The following CKAP5 variants were observed in gnomAD, a reference collection of about 807,000 sequenced individuals.
CKAP5 encodes the protein cytoskeleton associated protein 5.
Under a neutral mutation model 232.8 loss-of-function variants are expected in CKAP5, and 27 were observed. The observed-to-expected ratio is 0.12, with a 90% CI of 0.09 to 0.16. The LOEUF (loss-of-function observed/expected upper bound fraction) is 0.16. Ranked by LOEUF, CKAP5 falls within the 10% of genes least tolerant of loss-of-function variation. CKAP5 has a pLI of 1.00. For synonymous variants in CKAP5, 785 were observed against 841.1 expected, an observed-to-expected ratio of 0.93 and a Z score of 1.16; for missense variants, 1,838 against 2,424.7, an observed-to-expected ratio of 0.76 and a Z score of 5.08.
chr11:46,831,202 T>A (rs7934421), intron 1 of CKAP5, among the ~76,000 whole-genome samples: 97,829 of 151,990 alleles, frequency 0.64, 33,192 homozygotes, highest in Non-Finnish European at 0.77. Flanking sequence ...AGCTTCAGCA[T>A]CTTTTATAAT....
At chr11:46,788,631 T>C in intron 16 of CKAP5, 50 bp downstream of exon 16, 2 of 1,062,680 alleles carry the variant, frequency 1.9e-6, no homozygotes, top group Non-Finnish European at 2.9e-6. Flanking sequence ...TAGGATGATG[T>C]AATGTAAATT....
chr11:46,809,911 T>A (rs371548527), intron 5 of CKAP5, 37 bp from the exon 6 acceptor site: 1 of 1,565,344 alleles, frequency 6.4e-7, no homozygotes. Context: ...AATATCTGCA[T>A]CTCCACCATT....
intron 23 of CKAP5, among the ~76,000 whole-genome samples, chr11:46,777,111 T>C (rs982118243): frequency 2.6e-5 from 4 of 152,222 alleles, no homozygotes; most frequent in Non-Finnish European, 5.9e-5. Flanking sequence ...ATAGCAACCA[T>C]TTATTGTGTG....
At position 46,778,605 on chromosome 11, in the gene CKAP5, C is replaced by T; in HGVS notation, c.2434-6G>A. ...GGTGGACTTTGTCCCTGCATCTATA[C>T]ACAAATGAATGAGTAAGGCTAATGA... is the stretch of plus-strand genomic sequence containing the variant. On this transcript the variant is annotated splice_polypyrimidine_tract_variant and splice_region_variant and intron_variant, in intron 20 of 43. Coordinates refer to ENST00000529230, the MANE Select transcript of CKAP5 (RefSeq NM_001008938.4). 2 of 1,612,684 alleles carry T rather than the reference C, an allele frequency of 1.2e-6. No individual in the cohort carries two copies. The highest frequency in any genetic ancestry group is 1.3e-5 in the African/African-American group (1 of 75,000).
At chr11:46,808,729 T>C (rs1483619405) in intron 7 of CKAP5, among the ~76,000 whole-genome samples, 1 of 152,166 alleles carries the variant, frequency 6.6e-6, no homozygotes, top group African/African-American at 2.4e-5. Context: ...TAAGCAGATG[T>C]CAAACAGAAA....
At position 46,751,414 on chromosome 11, in the gene CKAP5, T is replaced by C; in HGVS notation, c.5254A>G (p.Lys1752Glu). ...AGGGTCCTTATGGGAAATTCACTTT[T>C]GCATTGCTTCAGTTTCTCTTTGGGG... ...VFPKEKLKQCKSEFPIRTLKT... is the reference protein window; with the variant it reads ...VFPKEKLKQCESEFPIRTLKT... The change falls in exon 39 of 44, where the codon AAA becomes GAA. Residue 1752 changes from lysine (K) to glutamate (E), a missense_variant. By Grantham distance (56) the Lys-to-Glu change is moderately conservative. Around this residue, in one of 6 missense-constraint regions of CKAP5, gnomAD observed 579 missense variants for 843.2 expected, o/e 0.69. Coordinates refer to ENST00000529230, the MANE Select transcript of CKAP5 (RefSeq NM_001008938.4). 6.2e-7 allele frequency: 1 copy of C among 1,614,200 alleles called. No homozygotes were observed. The highest frequency in any genetic ancestry group is 8.5e-7 in the Non-Finnish European group (1 of 1,180,028).
At chr11:46,835,236 A>T (rs188781566) in intron 1 of CKAP5, among the ~76,000 whole-genome samples, 225 of 152,172 alleles carry the variant, frequency 1.5e-3, no homozygotes, top group African/African-American at 5.2e-3. Flanking sequence ...ATGAATAATC[A>T]TCCACCATTA....
chr11:46,779,583 G>C (rs2065321444), intron 20 of CKAP5, among the ~76,000 whole-genome samples: 1 of 152,090 alleles, frequency 6.6e-6, no homozygotes, highest in Non-Finnish European at 1.5e-5. Context: ...TCCCACTACT[G>C]ATCTGCACTG....
intron 13 of CKAP5, among the ~76,000 whole-genome samples, chr11:46,791,579 T>A (rs1938723514): frequency 6.6e-6 from 1 of 151,820 alleles, no homozygotes; most frequent in African/African-American, 2.4e-5. Flanking sequence ...GAGGCTGAGG[T>A]GGGAGGGCTG....
chr11:46,769,866 G>C lies in CKAP5; in HGVS notation c.3322+97C>G, dbSNP rs1248479353. 3.7e-6 allele frequency: 5 copies of C among 1,355,652 alleles called. No homozygotes were observed. The East Asian group carries it at 1.2e-4, about 31-fold the overall frequency. 84.0% of individuals were successfully genotyped at this position (1,355,652 alleles called of 1,614,324 possible). On this transcript the variant is annotated intron_variant, in intron 26 of 43. Transcript: ENST00000529230. ...AGGAAGGAGAGCTTGGATCTACGCT[G>C]TAAGGAAATGTGATTTAAAAAAGAC...
chr11:46,811,258 A>C, intron 4 of CKAP5, 80 bp from the exon 5 acceptor site: 1 of 1,142,420 alleles, frequency 8.8e-7, no homozygotes, highest in Admixed American at 2.4e-5. Flanking sequence ...ATTCAAACAT[A>C]GTTCCATATC....
intron 13 of CKAP5, among the ~76,000 whole-genome samples, chr11:46,793,647 G>A (rs567139883): frequency 6.6e-6 from 1 of 152,316 alleles, no homozygotes; most frequent in Non-Finnish European, 1.5e-5. Context: ...TCCTGGCTGG[G>A]CGCAGTGGCT....
At chr11:46,815,545 ACT>A (rs147386474) in intron 4 of CKAP5, among the ~76,000 whole-genome samples, 9,510 of 151,584 alleles carry the variant, frequency 0.063, 365 homozygotes, top group Non-Finnish European at 0.09. Flanking sequence ...GATCCTCCTA[ACT>A]CAGCCTTCCA....
At chr11:46,834,455 G>A (rs767518692) in intron 1 of CKAP5, among the ~76,000 whole-genome samples, 2 of 148,170 alleles carry the variant, frequency 1.3e-5, no homozygotes, top group Non-Finnish European at 3.0e-5. Context: ...GGAGGCGGTG[G>A]TTGCAGTGAG....
intron 24 of CKAP5, among the ~76,000 whole-genome samples, chr11:46,772,033 CTTTTTT>C (rs57706275): frequency 2.1e-5 from 3 of 142,096 alleles, no homozygotes; most frequent in Non-Finnish European, 3.0e-5. Context: ...CACTGAGCAT[CTTTTTT>C]TTTTTTTTTT....
chr11:46,751,667 C>G, intron 38 of CKAP5, 133 bp from the exon 39 acceptor site: 2 of 727,988 alleles, frequency 2.7e-6, no homozygotes, highest in Non-Finnish European at 4.5e-6. Context: ...TCATATCTTT[C>G]AAGTTCAGCT....
rs200345998 is a variant in CKAP5 at position 46,811,121 on chromosome 11, G to A, written c.516C>T (p.Leu172=). 29 of 1,613,930 alleles carry A rather than the reference G, an allele frequency of 1.8e-5. No homozygotes were observed. Among genetic ancestry groups the A allele is most frequent in the African/African-American group, 2.7e-5 (2 of 74,928 alleles). ...LKPIIKVLPK[L]FESREKAVRD... ...GAACAGCCTTCTCTCGAGACTCAAA[G>A]AGTTTTGGCAACACTTTGATAATTG... Residue 172 remains leucine, a synonymous_variant, in exon 5 of 44, where the codon CTC becomes CTT. Coordinates refer to ENST00000529230, the MANE Select transcript of CKAP5 (RefSeq NM_001008938.4).
At chr11:46,787,749 A>G (rs1376045559) in intron 16 of CKAP5, among the ~76,000 whole-genome samples, 1 of 152,254 alleles carries the variant, frequency 6.6e-6, no homozygotes, top group Non-Finnish European at 1.5e-5. Flanking sequence ...GGATGTATAC[A>G]TATTTACATA....
chr11:46,762,688 A>G lies in CKAP5; in HGVS notation c.3966T>C (p.Ala1322=), dbSNP rs541123024. 8 of 1,614,078 alleles carry G rather than the reference A, an allele frequency of 5.0e-6. No homozygotes were observed. The East Asian group carries it at 1.8e-4, about 36-fold the overall frequency. ...ILNRMCLVYP[A]SKMFPFIMEG... The stretch of plus-strand genomic sequence containing the variant: ...CCATGATAAAGGGAAACATCTTGCT[A>G]GCTGGGTAGACAAGGCACATCCGGT... The change falls in exon 31 of 44, where the codon GCT becomes GCC. Residue 1322 remains alanine, a synonymous_variant. Coordinates refer to ENST00000529230, the MANE Select transcript of CKAP5 (RefSeq NM_001008938.4).
Sources: gnomAD v4.1 joint callset for allele counts (sites outside exome capture counted in the v4.1 genomes callset) on GRCh38, gnomAD v4.1.1 for gene constraint, gnomAD v4.1.1 regional missense constraint, MANE v1.5 for transcripts, NCBI Gene and HGNC (gene_info 2026-07-23, HGNC 2026-07-21) for gene names.